IGF1R: variants seen among roughly 807,000 people sequenced by gnomAD.
The protein encoded by IGF1R is insulin like growth factor 1 receptor.
IGF1R carries 44 observed loss-of-function variants against 144.6 expected under a neutral mutation model. The ratio of observed to expected loss-of-function variants is 0.30; its 90% CI spans 0.24 to 0.39. IGF1R has a LOEUF of 0.39. Ranked by LOEUF, IGF1R falls within the 10% of genes least tolerant of loss-of-function variation. The probability of loss-of-function intolerance (pLI) is 1.00; values close to 1 mark genes in which losing one functional copy is unlikely to be tolerated. For missense variants in IGF1R, 1,355 were observed against 1,833.7 expected (o/e 0.74, Z 4.77); for synonymous variants, 795 against 722.8 (o/e 1.10, Z -1.60).
rs745693339 is a variant in IGF1R at position 98,891,391 on chromosome 15, T to A, written c.707T>A (p.Leu236Gln). 6.2e-7 allele frequency: 1 copy of A among 1,612,018 alleles called. No individual in the cohort carries two copies. Residue 236 changes from leucine to glutamine, a missense_variant, in exon 3 of 21, where the codon CTG becomes CAG. Physicochemically the swap from Leu to Gln is moderately radical, Grantham distance 113 (BLOSUM62 -2). This residue lies in a region of IGF1R where 880 missense variants were observed against 1,202.7 expected (regional missense o/e 0.73). Transcript: ENST00000650285. The surrounding 1 kb of genome is among the most constrained non-coding windows in gnomAD (Gnocchi z 4.7). The stretch of plus-strand genomic sequence containing the variant: ...AATGAGTGCTGCCACCCCGAGTGCC[T>A]GGGCAGCTGCAGCGCGCCTGACAAC... ...ENNECCHPEC[L>Q]GSCSAPDNDT...
intron 2 of IGF1R, among the ~76,000 whole-genome samples, chr15:98,873,415 C>T (rs2715440): frequency 0.19 from 28,251 of 152,158 alleles, 3,468 homozygotes; most frequent in East Asian, 0.4. Context: ...GAAGCAAGAT[C>T]GCTGGCTGCT....
At chr15:98,825,948 G>A (rs866717222) in intron 2 of IGF1R, among the ~76,000 whole-genome samples, 20 of 152,304 alleles carry the variant, frequency 1.3e-4, no homozygotes, top group South Asian at 8.3e-4. Context: ...ATCCTCCAGT[G>A]TCACCAGCCA....
intron 18 of IGF1R, 40 bp downstream of exon 18, chr15:98,939,400 T>C (rs1191660645): frequency 6.2e-7 from 1 of 1,608,068 alleles, no homozygotes; most frequent in Non-Finnish European, 8.5e-7. Context: ...AGAACTAAAC[T>C]CAGGTGTTTT....
intron 2 of IGF1R, among the ~76,000 whole-genome samples, chr15:98,736,284 A>ACAGCAT: frequency 6.6e-6 from 1 of 152,256 alleles, no homozygotes; most frequent in Admixed American, 6.5e-5. Context: ...TCAGCAAGAA[A>ACAGCAT]GGTTAATATT....
At chr15:98,914,489 G>A (rs565677049) in intron 8 of IGF1R, among the ~76,000 whole-genome samples, 3 of 152,274 alleles carry the variant, frequency 2.0e-5, no homozygotes, top group Non-Finnish European at 4.4e-5. Flanking sequence ...CCCTGTAAGT[G>A]GCCACAGTCA....
At chr15:98,932,681 C>T (rs1408647286) in intron 15 of IGF1R, among the ~76,000 whole-genome samples, 1 of 152,178 alleles carries the variant, frequency 6.6e-6, no homozygotes, top group Non-Finnish European at 1.5e-5. Flanking sequence ...TGTGAAGAGC[C>T]TTATCTCCTG....
At chr15:98,951,589 C>T (rs962602411) in intron 20 of IGF1R, among the ~76,000 whole-genome samples, 4 of 152,250 alleles carry the variant, frequency 2.6e-5, no homozygotes, top group African/African-American at 9.6e-5. Flanking sequence ...GAGCCCTTCT[C>T]GCGGTTGCAG....
rs58675410 is a variant in IGF1R at position 98,805,503 on chromosome 15, G to GGT, written c.641-85804_641-85803dup. ...TCCAAAAGGGTGCCTGTGTGTGTAT[G>GGT]GTGTGTGTGTGTGTGTGTGATTCAG... On this transcript the variant is annotated intron_variant, in intron 2 of 20. Coordinates refer to ENST00000650285, the MANE Select transcript of IGF1R (RefSeq NM_000875.5). 6.0e-3 allele frequency among the ~76,000 whole-genome samples: 905 copies of GGT among 150,146 alleles called. 3 individuals carry two copies. The highest frequency in any genetic ancestry group is 9.2e-3 in the Non-Finnish European group (621 of 67,264).
chr15:98,926,674 T>C (rs181648053), intron 13 of IGF1R, among the ~76,000 whole-genome samples: 1 of 152,186 alleles, frequency 6.6e-6, no homozygotes, highest in Non-Finnish European at 1.5e-5. Context: ...AAAATCCTAA[T>C]ACAGACAGCA....
chr15:98,947,503 T>G (rs1037176119), intron 19 of IGF1R, among the ~76,000 whole-genome samples: 8 of 151,926 alleles, frequency 5.3e-5, no homozygotes, highest in Admixed American at 2.0e-4. Context: ...TGGTGATGAG[T>G]AGCCTATTTT....
Position 98,959,931 on chromosome 15 carries a change from G to A in IGF1R, c.*2489G>A. On this transcript the variant is annotated 3_prime_UTR_variant, in exon 21 of 21. Coordinates refer to ENST00000650285, the MANE Select transcript of IGF1R (RefSeq NM_000875.5). ...TGATAAATTACCAGTTTCAATCACTGTAGAAAAGCCCCATTATGAATTTAA... is the reference window on the plus strand; with the variant it reads ...TGATAAATTACCAGTTTCAATCACTATAGAAAAGCCCCATTATGAATTTAA... The A allele has an allele frequency of 4.3e-6, 1 of 232,592 alleles. No individual in the cohort carries two copies. Among genetic ancestry groups the A allele is most frequent in the Non-Finnish European group, 8.5e-6 (1 of 117,778 alleles). 14.4% of individuals were successfully genotyped at this position (232,592 alleles called of 1,614,324 possible). A position where few individuals can be genotyped will look rare whatever the true frequency, so the allele number is the denominator to read the frequency against.
intron 2 of IGF1R, among the ~76,000 whole-genome samples, chr15:98,827,275 C>T (rs2056911440): frequency 6.6e-6 from 1 of 152,158 alleles, no homozygotes; most frequent in African/African-American, 2.4e-5. Context: ...GCATTTTTAG[C>T]CACCTTGGAA....
At chr15:98,859,286 A>G (rs890946501) in intron 2 of IGF1R, among the ~76,000 whole-genome samples, 1 of 152,240 alleles carries the variant, frequency 6.6e-6, no homozygotes, top group African/African-American at 2.4e-5. Flanking sequence ...TTCTACCAAC[A>G]TTGTTTTACG....
At chr15:98,906,284 C>T (rs1279233693) in intron 5 of IGF1R, among the ~76,000 whole-genome samples, 4 of 152,316 alleles carry the variant, frequency 2.6e-5, no homozygotes, top group African/African-American at 9.6e-5. Context: ...TGAAAAGAGG[C>T]CTGGTTCTGG....
At chr15:98,783,944 C>G (rs938018317) in intron 2 of IGF1R, among the ~76,000 whole-genome samples, 1 of 140,352 alleles carries the variant, frequency 7.1e-6, no homozygotes, top group African/African-American at 2.7e-5. Context: ...ATTGCAAATA[C>G]TATGGCATCT....
intron 3 of IGF1R, chr15:98,893,682 A>G (rs2014039827): frequency 6.6e-6 from 1 of 152,192 alleles, no homozygotes; most frequent in Non-Finnish European, 1.5e-5. Flanking sequence ...GGAGGCCTTC[A>G]GTCGTTCTGC....
At chr15:98,948,965 A>C (rs2016663559) in intron 20 of IGF1R, among the ~76,000 whole-genome samples, 1 of 152,200 alleles carries the variant, frequency 6.6e-6, no homozygotes, top group African/African-American at 2.4e-5. Context: ...GTAGTTTCTC[A>C]GGCCAAATGT....
intron 1 of IGF1R, chr15:98,650,827 G>A: frequency 1.2e-6 from 1 of 841,266 alleles, no homozygotes; most frequent in Non-Finnish European, 1.4e-6. Context: ...AAGCAGTGTC[G>A]CTCCACATTC....
chr15:98,895,704 C>A (rs1412406587), intron 3 of IGF1R, among the ~76,000 whole-genome samples: 1 of 152,078 alleles, frequency 6.6e-6, no homozygotes, highest in Admixed American at 6.5e-5. Context: ...GTCTTAGATA[C>A]AAAATAACCT....
Sources: allele counts gnomAD v4.1 joint callset (sites outside exome capture counted in the v4.1 genomes callset), GRCh38; gene constraint gnomAD v4.1.1; regional missense constraint gnomAD v4.1.1; non-coding constraint Gnocchi (gnomAD v3.1); transcripts MANE v1.5; gene names NCBI Gene and HGNC (gene_info 2026-07-23, HGNC 2026-07-21).